MAP2K5: variants seen among roughly 807,000 people sequenced by gnomAD.
The protein encoded by MAP2K5 is mitogen-activated protein kinase kinase 5, also known as dual specificity mitogen-activated protein kinase kinase 5.
In MAP2K5, 49 loss-of-function variants were observed where a neutral mutation model predicts 83.1. The observed-to-expected ratio is 0.59, with a 90% confidence interval of 0.47 to 0.75. The LOEUF (loss-of-function observed/expected upper bound fraction) is 0.75. MAP2K5 is among the 30% of genes least tolerant of loss of function. MAP2K5 has a pLI of 0.00. For missense variants in MAP2K5, 457 were observed against 557.5 expected, an observed-to-expected ratio of 0.82 and a Z score of 1.82; for synonymous variants, 202 against 191.8, an observed-to-expected ratio of 1.05 and a Z score of -0.44.
rs1202898996 is a variant in MAP2K5 at position 67,638,146 on chromosome 15, G to T, written c.585+7219G>T. Among the ~76,000 whole-genome samples, 1 of 151,998 alleles carries T rather than the reference G, an allele frequency of 6.6e-6. No individual in the cohort carries two copies. Among genetic ancestry groups the T allele is most frequent in the African/African-American group, 2.4e-5 (1 of 41,384 alleles). Reference sequence around the variant, plus strand: ...AAGTATACTTGTGCCATGGGGGTTTGTTGTACAGATTATTTTGTCACCCAG... The same window carrying T: ...AAGTATACTTGTGCCATGGGGGTTTTTTGTACAGATTATTTTGTCACCCAG... On this transcript the variant is annotated intron_variant, in intron 9 of 21. Coordinates refer to ENST00000178640, the MANE Select transcript of MAP2K5 (RefSeq NM_145160.3). This position sits in a 1 kb window ranked among gnomAD's most constrained non-coding sequence, Gnocchi z 4.5.
rs1214197039 is a variant in MAP2K5, at chr15:67,785,554, A to C, written c.1242+12802A>C. Among the ~76,000 whole-genome samples, 1 of 152,192 alleles carries C rather than the reference A, an allele frequency of 6.6e-6. No individual in the cohort carries two copies. The highest frequency in any genetic ancestry group is 1.9e-4 in the East Asian group (1 of 5,188). Reference sequence around the variant, plus strand: ...AGTCAGGTCACACAAACAGGAAGCCAAACAATCGGGGTCCATCTTGAAGGG... The same window carrying C: ...AGTCAGGTCACACAAACAGGAAGCCCAACAATCGGGGTCCATCTTGAAGGG... On this transcript the variant is annotated intron_variant, in intron 21 of 21. Coordinates refer to ENST00000178640, the MANE Select transcript of MAP2K5 (RefSeq NM_145160.3). The surrounding 1 kb of genome is among the most constrained non-coding windows in gnomAD (Gnocchi z 4.4).
chr15:67,685,345 C>G (rs969970891), intron 13 of MAP2K5, among the ~76,000 whole-genome samples: 2 of 152,054 alleles, frequency 1.3e-5, no homozygotes, highest in Admixed American at 1.3e-4. Flanking sequence ...ATTCTGTGCC[C>G]AGCAAATACA....
intron 2 of MAP2K5, among the ~76,000 whole-genome samples, chr15:67,551,444 C>T (rs774999488): frequency 5.3e-5 from 8 of 152,010 alleles, no homozygotes; most frequent in Admixed American, 1.3e-4. Flanking sequence ...ACAATCCTCC[C>T]ACCTCAGCCT....
At chr15:67,675,871 C>G (rs1471664852) in intron 13 of MAP2K5, among the ~76,000 whole-genome samples, 1 of 152,144 alleles carries the variant, frequency 6.6e-6, no homozygotes, top group Non-Finnish European at 1.5e-5. Context: ...AAATTACCCT[C>G]TTCCATTCTG....
chr15:67,776,838 C>G (rs948254354), intron 21 of MAP2K5, among the ~76,000 whole-genome samples: 9 of 152,168 alleles, frequency 5.9e-5, no homozygotes, highest in Admixed American at 5.9e-4. Flanking sequence ...CATCACATCC[C>G]TTCACTGTGT....
At chr15:67,664,707 C>T in intron 13 of MAP2K5, 62 bp downstream of exon 13, 1 of 1,074,412 alleles carries the variant, frequency 9.3e-7, no homozygotes, top group Middle Eastern at 2.1e-4. Flanking sequence ...CTCCAGATAC[C>T]TTGATTTTTA....
intron 15 of MAP2K5, among the ~76,000 whole-genome samples, chr15:67,699,970 TA>T (rs5813453): frequency 6.7e-4 from 95 of 140,842 alleles, no homozygotes; most frequent in Admixed American, 5.7e-4. Flanking sequence ...CTTGCCAATG[TA>T]AAAAAAAAAA....
intron 3 of MAP2K5, among the ~76,000 whole-genome samples, chr15:67,570,551 G>A (rs2084929907): frequency 6.6e-6 from 1 of 152,196 alleles, no homozygotes; most frequent in Admixed American, 6.5e-5. Context: ...GGCTTCATAT[G>A]TTATTTTTGA....
intron 21 of MAP2K5, among the ~76,000 whole-genome samples, chr15:67,805,139 G>GT (rs2090777037): frequency 6.6e-6 from 1 of 152,254 alleles, no homozygotes; most frequent in Non-Finnish European, 1.5e-5. Context: ...CCGGGGTTGA[G>GT]TGCCTTGGCA....
chr15:67,772,441 A>ATT (rs1210496455), intron 20 of MAP2K5, among the ~76,000 whole-genome samples: 6 of 152,216 alleles, frequency 3.9e-5, no homozygotes, highest in Non-Finnish European at 8.8e-5. Context: ...ATTTAAATTC[A>ATT]TTCTTTATTT....
At position 67,768,791 on chromosome 15, in the gene MAP2K5, C is replaced by T. The variant is rs2090090266; in HGVS notation, c.1135-811C>T. ...CAGTGTAATTTTATTACATCCTGAG[C>T]TGTTACACTATAAACACAGTGGCGC... On this transcript the variant is annotated intron_variant, in intron 19 of 21. Coordinates refer to ENST00000178640, the MANE Select transcript of MAP2K5 (RefSeq NM_145160.3). This position sits in a 1 kb window ranked among gnomAD's most constrained non-coding sequence, Gnocchi z 4.0. Among the ~76,000 whole-genome samples the T allele has an allele frequency of 6.6e-6, 1 of 152,192 alleles. No homozygotes were observed. The highest frequency in any genetic ancestry group is 2.4e-5 in the African/African-American group (1 of 41,444).
At position 67,577,500 on chromosome 15, in the gene MAP2K5, A is replaced by T. The variant is rs1262864257; in HGVS notation, c.253-3254A>T. Among the ~76,000 whole-genome samples the T allele has an allele frequency of 1.3e-5, 2 of 152,226 alleles. No individual in the cohort carries two copies. Among genetic ancestry groups the T allele is most frequent in the African/African-American group, 2.4e-5 (1 of 41,466 alleles). On this transcript the variant is annotated intron_variant, in intron 3 of 21. Coordinates refer to ENST00000178640, the MANE Select transcript of MAP2K5 (RefSeq NM_145160.3). The surrounding 1 kb of genome is among the most constrained non-coding windows in gnomAD (Gnocchi z 4.1). ...GTAATATTATGAAGGTTACTTTGTT[A>T]CATTTCTGTCCAAGCTATTATGTTC...
intron 3 of MAP2K5, among the ~76,000 whole-genome samples, chr15:67,569,083 G>C (rs776883772): frequency 3.3e-5 from 5 of 150,708 alleles, no homozygotes; most frequent in Non-Finnish European, 5.9e-5. Flanking sequence ...TTACCTACAA[G>C]GCTGTGTTTT....
chr15:67,776,977 T>C (rs1398006394), intron 21 of MAP2K5, among the ~76,000 whole-genome samples: 1 of 152,232 alleles, frequency 6.6e-6, no homozygotes, highest in Non-Finnish European at 1.5e-5. Context: ...TCCGAAGTTA[T>C]CTATGCATGT....
chr15:67,728,425 C>T (rs1209387472), intron 17 of MAP2K5, among the ~76,000 whole-genome samples: 1 of 152,148 alleles, frequency 6.6e-6, no homozygotes, highest in Non-Finnish European at 1.5e-5. Flanking sequence ...ATTTTGCTCC[C>T]TCCTGTCTAC....
chr15:67,727,980 A>T, intron 17 of MAP2K5, 35 bp downstream of exon 17: 1 of 1,581,526 alleles, frequency 6.3e-7, no homozygotes, highest in Non-Finnish European at 8.7e-7. Context: ...TGCCACTGTG[A>T]CATTCATTCC....
chr15:67,633,704 A>G (rs1022322536), intron 9 of MAP2K5, among the ~76,000 whole-genome samples: 1 of 152,236 alleles, frequency 6.6e-6, no homozygotes, highest in Non-Finnish European at 1.5e-5. Context: ...ATTCTATAAA[A>G]TATAGTAGAT....
rs1462665214 is a variant in MAP2K5, at chr15:67,693,513, C to T, written c.922-5C>T. 2 of 1,608,810 alleles carry T rather than the reference C, an allele frequency of 1.2e-6. No individual in the cohort carries two copies. Among genetic ancestry groups the T allele is most frequent in the Non-Finnish European group, 1.7e-6 (2 of 1,176,458 alleles). On this transcript the variant is annotated splice_polypyrimidine_tract_variant and splice_region_variant and intron_variant, in intron 14 of 21. Transcript: ENST00000178640. The stretch of plus-strand genomic sequence containing the variant: ...ATTGTTCTAACAGACTGTTTTGTCT[C>T]ATAGCTGGTGAATTCTATAGCCAAG...
In MAP2K5 at chr15:67,722,328, G is replaced by A. The variant is rs1006628871; in HGVS notation, c.1045-5588G>A. Among the ~76,000 whole-genome samples, 9 of 151,204 alleles carry A rather than the reference G, an allele frequency of 6.0e-5. No homozygotes were observed. The highest frequency in any genetic ancestry group is 2.2e-4 in the African/African-American group (9 of 41,004). On this transcript the variant is annotated intron_variant, in intron 16 of 21. Transcript: ENST00000178640. The surrounding 1 kb of genome is among the most constrained non-coding windows in gnomAD (Gnocchi z 4.2). ...GGAGTGCAGCTGCAAACTATAGGCA[G>A]AAGATTAAATTAATTTGTAACTCTT... is the stretch of plus-strand genomic sequence containing the variant.
Sources: gnomAD v4.1 joint callset for allele counts (sites outside exome capture counted in the v4.1 genomes callset) on GRCh38, gnomAD v4.1.1 for gene constraint, Gnocchi (gnomAD v3.1) non-coding constraint, MANE v1.5 for transcripts, NCBI Gene and HGNC (gene_info 2026-07-23, HGNC 2026-07-21) for gene names.